C8orf33: variants seen among roughly 807,000 people sequenced by gnomAD.
The protein encoded by C8orf33 is UPF0488 protein C8orf33.
In C8orf33, 28 loss-of-function variants were observed where a neutral mutation model predicts 25.7. The observed-to-expected ratio is 1.09, with a 90% confidence interval of 0.81 to 1.49. The LOEUF is 1.49. Among genes scored for constraint, C8orf33 ranks in the 40% most tolerant of loss-of-function variants. The pLI is 0.00. For missense variants in C8orf33, 369 were observed against 294.4 expected (o/e 1.25, Z -1.85); for synonymous variants, 153 against 115.9 (o/e 1.32, Z -2.06).
In C8orf33 at chr8:145,053,042, C is replaced by G; in HGVS notation, c.319-20C>G. ...GTTTTCCAGTGCCCTCTCACAGCCA[C>G]TTCCCCAAATCCATCACAGGCACAA... On this transcript the variant is annotated intron_variant, in intron 2 of 4. Transcript: ENST00000331434. 1 of 1,614,138 alleles carries G rather than the reference C, an allele frequency of 6.2e-7. No homozygotes were observed. The highest frequency in any genetic ancestry group is 8.5e-7 in the Non-Finnish European group (1 of 1,179,996).
rs773601864 is a variant in C8orf33 at position 145,052,644 on chromosome 8, C to T, written c.65C>T (p.Ala22Val). The T allele has an allele frequency of 3.7e-6, 6 of 1,612,324 alleles. No individual in the cohort carries two copies. The highest frequency in any genetic ancestry group is 1.3e-5 in the African/African-American group (1 of 74,906). The change falls in exon 2 of 5, where the codon GCG (alanine) becomes GTG (valine). Residue 22 changes from alanine to valine, a missense_variant. Transcript: ENST00000331434. Reference sequence around the variant, plus strand: ...GCCCCAGGCCCGGGTACTCCCTGCGCGTCCCGCGGAGCCCGGCTTCCCGGC... The same window carrying T: ...GCCCCAGGCCCGGGTACTCCCTGCGTGTCCCGCGGAGCCCGGCTTCCCGGC... The part of the protein sequence containing the change: ...AAAPGPGTPC[A>V]SRGARLPGPV...
rs1835297619 is a variant in C8orf33 at position 145,052,846 on chromosome 8, G to A, written c.267G>A (p.Lys89=). 3.7e-6 allele frequency: 6 copies of A among 1,613,896 alleles called. No individual in the cohort carries two copies. The highest frequency in any genetic ancestry group is 1.6e-4 in the Middle Eastern group (1 of 6,062). ...CCTCTGTGGCAAATGGAGGCGAGAA[G>A]GCCTCAGAGAAACTCGCCCCAGAAG... The part of the protein sequence containing the change: ...NRASVANGGE[K]ASEKLAPEEV... Residue 89 remains lysine, a synonymous_variant, in exon 2 of 5, where the codon AAG becomes AAA. Coordinates refer to ENST00000331434, the MANE Select transcript of C8orf33 (RefSeq NM_023080.3).
At chr8:145,053,886 A>G (rs1269866173) in intron 4 of C8orf33, 132 bp from the exon 5 acceptor site, 15 of 1,153,382 alleles carry the variant, frequency 1.3e-5, no homozygotes, top group Non-Finnish European at 1.9e-5. Flanking sequence ...AGTAATATCA[A>G]CCTTACAAAT....
At chr8:145,053,710 T>C in intron 4 of C8orf33, 1 of 580,162 alleles carries the variant, frequency 1.7e-6, no homozygotes, top group Non-Finnish European at 3.0e-6. Context: ...GAAAGCTGCC[T>C]CATGTCTTTG....
At position 145,054,701 on chromosome 8, in the gene C8orf33, C is replaced by T. The variant is rs1835333026; in HGVS notation, c.*544C>T. The T allele has an allele frequency of 6.5e-6, 1 of 152,948 alleles. No individual in the cohort carries two copies. Among genetic ancestry groups the T allele is most frequent in the African/African-American group, 2.4e-5 (1 of 41,426 alleles). The allele number at this position is 152,948 out of a possible 1,614,324, so 9.5% of individuals were successfully genotyped here. A position where few individuals can be genotyped will look rare whatever the true frequency, so the allele number is the denominator to read the frequency against. On this transcript the variant is annotated 3_prime_UTR_variant, in exon 5 of 5. Transcript: ENST00000331434. ...GGTATCCCTGGGTCCAGTCCCTCAC[C>T]TGGTACCTTTGTGCATGTTGCCTTC...
In C8orf33 at chr8:145,052,872, A is replaced by T; in HGVS notation, c.293A>T (p.Glu98Val). The stretch of plus-strand genomic sequence containing the variant: ...GCCTCAGAGAAACTCGCCCCAGAAG[A>T]AGTTCCCCTAAGCGCTGAGGCCCAG... ...EKASEKLAPE[E>V]VPLSAEAQAQ... is the part of the protein sequence containing the mutation. The change falls in exon 2 of 5, where the codon GAA becomes GTA. Residue 98 changes from glutamate to valine, a missense_variant. Transcript: ENST00000331434. The T allele has an allele frequency of 1.2e-6, 2 of 1,612,988 alleles. No homozygotes were observed. The highest frequency in any genetic ancestry group is 2.2e-5 in the East Asian group (1 of 44,856).
Position 145,053,305 on chromosome 8 carries a change from G to A in C8orf33, c.412G>A (p.Ala138Thr), listed in dbSNP as rs745523987. 6 of 1,614,150 alleles carry A rather than the reference G, an allele frequency of 3.7e-6. No homozygotes were observed. The East Asian group carries it at 8.9e-5, about 24-fold the overall frequency. Residue 138 changes from alanine (A) to threonine (T), a missense_variant, in exon 4 of 5, where the codon GCT (alanine) becomes ACT (threonine). By Grantham distance (58) the Ala-to-Thr change is moderately conservative (BLOSUM62 0). Transcript: ENST00000331434. ...TTTATTTTTATTCGCAGAAGAGCAG[G>A]CTATTGGAGCAATCCGAACCCTGCG... ...QKPTPKQKEQ[A>T]IGAIRTLRSK...
chr8:145,053,472 G>A (rs1288795846), intron 4 of C8orf33, 29 bp downstream of exon 4: 2 of 1,611,804 alleles, frequency 1.2e-6, no homozygotes, highest in East Asian at 2.2e-5. Flanking sequence ...GTTGATTCAG[G>A]AAGGCCTAAC....
Position 145,054,361 on chromosome 8 carries a change from C to T in C8orf33, c.*204C>T, listed in dbSNP as rs1184441036. ...CGTTCGTTTTCTGATGAAATGTTCT[C>T]TCTTTCAGAAGAGAGAGAGAGGTGC... On this transcript the variant is annotated 3_prime_UTR_variant, in exon 5 of 5. Transcript: ENST00000331434. 1 of 512,410 alleles carries T rather than the reference C, an allele frequency of 2.0e-6. No individual in the cohort carries two copies. Among genetic ancestry groups the T allele is most frequent in the Non-Finnish European group, 3.4e-6 (1 of 290,476 alleles). The allele number at this position is 512,410 out of a possible 1,614,324, so 31.7% of individuals were successfully genotyped here.
In C8orf33 at chr8:145,054,318, C is replaced by T; in HGVS notation, c.*161C>T. On this transcript the variant is annotated 3_prime_UTR_variant, in exon 5 of 5. Transcript: ENST00000331434. ...AGCTGTTGTGAAGGTGTGAGACCAT[C>T]AGATAGGCAAAAGACCCCGTTCGTT... The T allele has an allele frequency of 1.4e-6, 1 of 701,022 alleles. No individual in the cohort carries two copies. The highest frequency in any genetic ancestry group is 3.1e-5 in the Admixed American group (1 of 32,132). 43.4% of individuals were successfully genotyped at this position (701,022 alleles called of 1,614,324 possible).
In C8orf33 at chr8:145,052,821, C is replaced by T; in HGVS notation, c.242C>T (p.Ala81Val). 1.9e-6 allele frequency: 3 copies of T among 1,614,036 alleles called. No homozygotes were observed. In the South Asian group the frequency reaches 3.3e-5, roughly 18 times the overall value. The change falls in exon 2 of 5, where the codon GCC becomes GTC. Residue 81 changes from alanine (A) to valine (V), a missense_variant. Physicochemically the swap from Ala to Val is moderately conservative, Grantham distance 64. Coordinates refer to ENST00000331434, the MANE Select transcript of C8orf33 (RefSeq NM_023080.3). ...QKNKKKTRNR[A>V]SVANGGEKAS... is the part of the protein sequence containing the mutation. ...AATAAGAAGAAAACGCGGAACAGGG[C>T]CTCTGTGGCAAATGGAGGCGAGAAG...
intron 2 of C8orf33, 32 bp from the exon 3 acceptor site, chr8:145,053,030 C>T (rs749618700): frequency 1.2e-6 from 2 of 1,613,808 alleles, no homozygotes; most frequent in East Asian, 2.2e-5. Flanking sequence ...TTCCAGTGCC[C>T]TCTCACAGCC....
Position 145,054,914 on chromosome 8 carries a change from C to G in C8orf33, c.*757C>G, listed in dbSNP as rs188864498. ...CTCTGTTCCATGGAATTGGGAATCT[C>G]CAGGTGACCTAATCCTCATTGGTGG... On this transcript the variant is annotated 3_prime_UTR_variant, in exon 5 of 5. Transcript: ENST00000331434. 1 of 152,292 alleles carries G rather than the reference C, an allele frequency of 6.6e-6. No homozygotes were observed. The highest frequency in any genetic ancestry group is 1.9e-4 in the East Asian group (1 of 5,186). The allele number at this position is 152,292 out of a possible 1,614,324, so 9.4% of individuals were successfully genotyped here.
chr8:145,054,082 C>T lies in C8orf33; in HGVS notation c.615C>T (p.Cys205=). The T allele has an allele frequency of 6.2e-7, 1 of 1,614,170 alleles. No homozygotes were observed. Among genetic ancestry groups the T allele is most frequent in the East Asian group, 2.2e-5 (1 of 44,884 alleles). The change falls in exon 5 of 5, where the codon TGC becomes TGT. Residue 205 remains cysteine (C), a synonymous_variant. Transcript: ENST00000331434. ...CCAGAAAGAAGAGCCAAAGGGTCTG[C>T]AGGCCTCGCTCTATATGGAGAGCCA... The part of the protein sequence containing the change: ...GATRKKSQRV[C]RPRSIWRAKA...
intron 4 of C8orf33, 47 bp downstream of exon 4, chr8:145,053,490 G>C (rs538589878): frequency 6.2e-7 from 1 of 1,601,852 alleles, no homozygotes; most frequent in Non-Finnish European, 8.5e-7. Context: ...AACTTAAGGA[G>C]GAAGTGTCTA....
intron 2 of C8orf33, 73 bp downstream of exon 2, chr8:145,052,970 C>G: frequency 6.2e-7 from 1 of 1,602,306 alleles, no homozygotes; most frequent in Non-Finnish European, 8.5e-7. Flanking sequence ...ATCTGGGGTC[C>G]GCGGAGTTAA....
At position 145,054,013 on chromosome 8, in the gene C8orf33, G is replaced by T. The variant is rs762203508; in HGVS notation, c.551-5G>T. 3 of 1,613,346 alleles carry T rather than the reference G, an allele frequency of 1.9e-6. No homozygotes were observed. The highest frequency in any genetic ancestry group is 2.5e-6 in the Non-Finnish European group (3 of 1,179,916). ...TCTGACATACGCTGCTTCTCTCCCCGACAGCTGCTTATTCAGCCCAGGTGC... is the reference window on the plus strand; with the variant it reads ...TCTGACATACGCTGCTTCTCTCCCCTACAGCTGCTTATTCAGCCCAGGTGC... On this transcript the variant is annotated splice_polypyrimidine_tract_variant and splice_region_variant and intron_variant, in intron 4 of 4. Transcript: ENST00000331434.
chr8:145,052,963 T>G (rs956526153), intron 2 of C8orf33, 66 bp downstream of exon 2: 145 of 1,601,672 alleles, frequency 9.1e-5, no homozygotes, highest in Non-Finnish European at 1.2e-4. Context: ...ACGTGTGATC[T>G]GGGGTCCGCG....
chr8:145,055,977 G>T lies in C8orf33; in HGVS notation c.*1820G>T, dbSNP rs751490233. On this transcript the variant is annotated 3_prime_UTR_variant, in exon 5 of 5. Transcript: ENST00000331434. ...CAGCCTGGCATTTGGGGCCACTACT[G>T]GTCTCCGCGTCTTGGTGGTAGTGGT... 1.3e-5 allele frequency: 3 copies of T among 225,768 alleles called. No individual in the cohort carries two copies. The highest frequency in any genetic ancestry group is 2.6e-5 in the Non-Finnish European group (3 of 116,280). The allele number at this position is 225,768 out of a possible 1,614,324, so 14.0% of individuals were successfully genotyped here. A position where few individuals can be genotyped will look rare whatever the true frequency, so the allele number is the denominator to read the frequency against.
Sources: allele counts gnomAD v4.1 joint callset, GRCh38; gene constraint gnomAD v4.1.1; transcripts MANE v1.5; gene names NCBI Gene and HGNC (gene_info 2026-07-23, HGNC 2026-07-21).